Variants in UPF1 observed in about 807,000 individuals in gnomAD.
UPF1 encodes the protein regulator of nonsense transcripts 1.
In UPF1, 9 loss-of-function variants were observed where a neutral mutation model predicts 129.2. That is an observed-to-expected ratio of 0.07 (90% CI 0.04 to 0.12). The LOEUF is 0.12. Ranked by LOEUF, UPF1 falls within the 10% of genes least tolerant of loss-of-function variation. The probability of loss-of-function intolerance (pLI) is 1.00; values close to 1 mark genes in which losing one functional copy is unlikely to be tolerated. For synonymous variants in UPF1, 649 were observed against 644.9 expected (o/e 1.01, Z -0.10); for missense variants, 788 against 1,525.3 (o/e 0.52, Z 8.05).
chr19:18,861,862 C>G, intron 17 of UPF1, 148 bp from the exon 18 acceptor site: 1 of 1,042,496 alleles, frequency 9.6e-7, no homozygotes, highest in South Asian at 1.7e-5. Context: ...GGCAGCAGAG[C>G]CAGGACAGCC....
At chr19:18,835,597 C>G (rs1169706102) in intron 1 of UPF1, among the ~76,000 whole-genome samples, 2 of 152,216 alleles carry the variant, frequency 1.3e-5, no homozygotes, top group African/African-American at 4.8e-5. Flanking sequence ...GCCTCGGCCT[C>G]CCAAAGTGCT....
Position 18,860,992 on chromosome 19 carries a change from GC to G in UPF1, c.2457+13del. Reference sequence around the variant, plus strand: ...CACCAAGCTCTACCAGGTGCGCTGCGCCCTCGGGCACACTTGGTCTCCTGGG... The same window carrying G: ...CACCAAGCTCTACCAGGTGCGCTGCGCCTCGGGCACACTTGGTCTCCTGGG... On this transcript the variant is annotated intron_variant, in intron 17 of 23. Coordinates refer to ENST00000262803, the MANE Select transcript of UPF1 (RefSeq NM_002911.4). 1 of 1,565,110 alleles carries G rather than the reference GC, an allele frequency of 6.4e-7. No homozygotes were observed. Among genetic ancestry groups the G allele is most frequent in the Non-Finnish European group, 8.6e-7 (1 of 1,156,814 alleles).
intron 15 of UPF1, 56 bp downstream of exon 15, chr19:18,857,589 T>C (rs986086931): frequency 1.3e-6 from 2 of 1,508,610 alleles, no homozygotes; most frequent in Non-Finnish European, 1.8e-6. Context: ...ATCAAGGGAA[T>C]GTGGACTGGG....
intron 6 of UPF1, 83 bp from the exon 7 acceptor site, chr19:18,852,904 C>T (rs1601113704): frequency 3.4e-6 from 4 of 1,181,090 alleles, no homozygotes; most frequent in Non-Finnish European, 2.4e-6. Flanking sequence ...GTAGGGCCCG[C>T]CTCATGGGGC....
At chr19:18,840,993 G>C (rs1031075427) in intron 1 of UPF1, among the ~76,000 whole-genome samples, 3 of 152,208 alleles carry the variant, frequency 2.0e-5, no homozygotes, top group African/African-American at 7.2e-5. Context: ...CTTGCAGAGC[G>C]AGTGCAGGCT....
rs1568278571 is a variant in UPF1, at chr19:18,855,254, A to G, written c.1544+12A>G. On this transcript the variant is annotated intron_variant, in intron 11 of 23. Transcript: ENST00000262803. ...CGGCAAGGCAACGGGTAGGGCTGAC[A>G]CGGCCCTTGCGGGCAAGACCCGGGA... 6 of 1,608,020 alleles carry G rather than the reference A, an allele frequency of 3.7e-6. No homozygotes were observed. Among genetic ancestry groups the G allele is most frequent in the Middle Eastern group, 1.7e-4 (1 of 6,034 alleles).
intron 6 of UPF1, among the ~76,000 whole-genome samples, chr19:18,852,623 C>T (rs1454038141): frequency 6.6e-6 from 1 of 151,812 alleles, no homozygotes; most frequent in Non-Finnish European, 1.5e-5. Flanking sequence ...AGCCCTGGAG[C>T]GCTGACCTCC....
Position 18,851,884 on chromosome 19 carries a change from C to A in UPF1, c.811-251C>A, listed in dbSNP as rs140415687. ...GGTTCACCCAAGTACCGGAACCCCGCTGGGGTGCGGAGCAGCAGCTGAGGC... is the reference window on the plus strand; with the variant it reads ...GGTTCACCCAAGTACCGGAACCCCGATGGGGTGCGGAGCAGCAGCTGAGGC... On this transcript the variant is annotated intron_variant, in intron 5 of 23. Transcript: ENST00000262803. This position sits in a 1 kb window ranked among gnomAD's most constrained non-coding sequence, Gnocchi z 4.2. Among the ~76,000 whole-genome samples, 2 of 152,254 alleles carry A rather than the reference C, an allele frequency of 1.3e-5. No individual in the cohort carries two copies. Among genetic ancestry groups the A allele is most frequent in the Non-Finnish European group, 2.9e-5 (2 of 68,042 alleles).
At chr19:18,842,388 C>T (rs1171972464) in intron 1 of UPF1, among the ~76,000 whole-genome samples, 1 of 152,134 alleles carries the variant, frequency 6.6e-6, no homozygotes, top group East Asian at 1.9e-4. Context: ...AAGCCCTCCC[C>T]TGGGGCCGGC....
At chr19:18,855,531 G>A in intron 11 of UPF1, 1 of 542,314 alleles carries the variant, frequency 1.8e-6, no homozygotes, top group Non-Finnish European at 3.3e-6. Flanking sequence ...TGGCGGGATG[G>A]TGCAAGTTCC....
Position 18,846,547 on chromosome 19 carries a change from C to T in UPF1, c.371+428C>T, listed in dbSNP as rs2055602383. Among the ~76,000 whole-genome samples, 3 of 152,092 alleles carry T rather than the reference C, an allele frequency of 2.0e-5. No homozygotes were observed. In the South Asian group the frequency reaches 6.2e-4, roughly 32 times the overall value. On this transcript the variant is annotated intron_variant, in intron 2 of 23. Coordinates refer to ENST00000262803, the MANE Select transcript of UPF1 (RefSeq NM_002911.4). ...CCTGCCTCCCGCTGCCTTGGCCGTGCCTGGAGAATTGGATGTGAAGACAGT... is the reference window on the plus strand; with the variant it reads ...CCTGCCTCCCGCTGCCTTGGCCGTGTCTGGAGAATTGGATGTGAAGACAGT...
Position 18,865,162 on chromosome 19 carries a change from C to A in UPF1, c.2858-127C>A. 8.1e-7 allele frequency: 1 copy of A among 1,233,114 alleles called. No individual in the cohort carries two copies. Among genetic ancestry groups the A allele is most frequent in the South Asian group, 1.6e-5 (1 of 64,284 alleles). 76.4% of individuals were successfully genotyped at this position (1,233,114 alleles called of 1,614,324 possible). ...GTTAACATGGAGTCCTGCGAATCCGCATCTTCAGCCTGGGCAGAGCCAGGA... is the reference window on the plus strand; with the variant it reads ...GTTAACATGGAGTCCTGCGAATCCGAATCTTCAGCCTGGGCAGAGCCAGGA... On this transcript the variant is annotated intron_variant, in intron 20 of 23. Coordinates refer to ENST00000262803, the MANE Select transcript of UPF1 (RefSeq NM_002911.4). This position sits in a 1 kb window ranked among gnomAD's most constrained non-coding sequence, Gnocchi z 6.1.
rs538807946 is a variant in UPF1, at chr19:18,865,161, G to A, written c.2858-128G>A. The A allele has an allele frequency of 7.4e-6, 9 of 1,220,068 alleles. No individual in the cohort carries two copies. The highest frequency in any genetic ancestry group is 2.2e-4 in the Middle Eastern group (1 of 4,556). 75.6% of individuals were successfully genotyped at this position (1,220,068 alleles called of 1,614,324 possible). A position where few individuals can be genotyped will look rare whatever the true frequency, so the allele number is the denominator to read the frequency against. ...AGTTAACATGGAGTCCTGCGAATCC[G>A]CATCTTCAGCCTGGGCAGAGCCAGG... is the stretch of plus-strand genomic sequence containing the variant. On this transcript the variant is annotated intron_variant, in intron 20 of 23. Coordinates refer to ENST00000262803, the MANE Select transcript of UPF1 (RefSeq NM_002911.4). This position sits in a 1 kb window ranked among gnomAD's most constrained non-coding sequence, Gnocchi z 6.1.
intron 15 of UPF1, 188 bp from the exon 16 acceptor site, chr19:18,860,133 C>T: frequency 3.3e-6 from 2 of 610,486 alleles, no homozygotes; most frequent in East Asian, 2.8e-5. Context: ...CTCTCCTCAG[C>T]CTTGCCCAAT....
rs993500905 is a variant in UPF1 at position 18,832,770 on chromosome 19, T to A, written c.231+330T>A. On this transcript the variant is annotated intron_variant, in intron 1 of 23. Coordinates refer to ENST00000262803, the MANE Select transcript of UPF1 (RefSeq NM_002911.4). This position sits in a 1 kb window ranked among gnomAD's most constrained non-coding sequence, Gnocchi z 5.6. ...GACCGAGCTAACCTGACCCTGTTCC[T>A]TTACGCCAGCTGGGTTTGCTCCCCC... is the stretch of plus-strand genomic sequence containing the variant. 2.6e-5 allele frequency among the ~76,000 whole-genome samples: 4 copies of A among 152,050 alleles called. No individual in the cohort carries two copies. The highest frequency in any genetic ancestry group is 5.9e-5 in the Non-Finnish European group (4 of 67,984).
chr19:18,852,325 G>C, intron 6 of UPF1, 29 bp downstream of exon 6: 1 of 1,609,068 alleles, frequency 6.2e-7, no homozygotes, highest in African/African-American at 1.3e-5. Context: ...CTTGGCCTGG[G>C]GTGGGCTCTG....
At chr19:18,859,243 GCAGA>G (rs1311439123) in intron 15 of UPF1, 1 of 152,248 alleles carries the variant, frequency 6.6e-6, no homozygotes, top group East Asian at 1.9e-4. Flanking sequence ...GGCCCAGAGG[GCAGA>G]CGCTGGTGCA....
chr19:18,850,381 G>A lies in UPF1; in HGVS notation c.629+139G>A. 7.9e-7 allele frequency: 1 copy of A among 1,268,486 alleles called. No homozygotes were observed. The highest frequency in any genetic ancestry group is 1.1e-6 in the Non-Finnish European group (1 of 938,788). The allele number at this position is 1,268,486 out of a possible 1,614,324, so 78.6% of individuals were successfully genotyped here. On this transcript the variant is annotated intron_variant, in intron 4 of 23. Coordinates refer to ENST00000262803, the MANE Select transcript of UPF1 (RefSeq NM_002911.4). The surrounding 1 kb of genome is among the most constrained non-coding windows in gnomAD (Gnocchi z 7.1). ...AAAGATGGTTTTTGCTGAAGGGTGA[G>A]GCATGAGAGCGTTTAGGCGCTGAGG...
intron 18 of UPF1, among the ~76,000 whole-genome samples, chr19:18,862,739 G>C (rs749696950): frequency 1.3e-5 from 2 of 152,300 alleles, no homozygotes; most frequent in South Asian, 2.1e-4. Flanking sequence ...GGCTGAAACA[G>C]GAGAATCGCT....
Sources: allele counts gnomAD v4.1 joint callset (sites outside exome capture counted in the v4.1 genomes callset), GRCh38; gene constraint gnomAD v4.1.1; non-coding constraint Gnocchi (gnomAD v3.1); transcripts MANE v1.5; gene names NCBI Gene and HGNC (gene_info 2026-07-23, HGNC 2026-07-21).